Variants in ANK3 observed in about 807,000 individuals in gnomAD.
ANK3 encodes the protein ankyrin 3, also known as ankyrin-3.
ANK3 carries 57 observed loss-of-function variants against 370.9 expected under a neutral mutation model. The ratio of observed to expected loss-of-function variants is 0.15; its 90% confidence interval spans 0.12 to 0.19. The LOEUF (loss-of-function observed/expected upper bound fraction) is 0.19, where lower values mean the gene tolerates loss of function less well. Ranked by LOEUF, ANK3 falls within the 10% of genes least tolerant of loss-of-function variation. The probability of loss-of-function intolerance (pLI) is 1.00; values close to 1 mark genes in which losing one functional copy is unlikely to be tolerated. For missense variants in ANK3, 4,439 were observed against 5,302.1 expected, an observed-to-expected ratio of 0.84 and a Z score of 5.06; for synonymous variants, 1,929 against 1,946.3, an observed-to-expected ratio of 0.99 and a Z score of 0.23.
chr10:60,165,337 G>A (rs1358004740), intron 23 of ANK3, among the ~76,000 whole-genome samples: 2 of 152,138 alleles, frequency 1.3e-5, no homozygotes, highest in African/African-American at 4.8e-5. Flanking sequence ...TATTCTAAAA[G>A]TCCTAAAGAC....
intron 2 of ANK3, among the ~76,000 whole-genome samples, chr10:60,486,313 T>C (rs2075346007): frequency 6.6e-6 from 1 of 152,236 alleles, no homozygotes; most frequent in African/African-American, 2.4e-5. Context: ...GCGCAATGGC[T>C]CATGCCTGTA....
chr10:60,111,889 T>C (rs1034143097), intron 26 of ANK3: 8 of 411,126 alleles, frequency 1.9e-5, no homozygotes, highest in African/African-American at 8.4e-5. Flanking sequence ...AACCAGGGCA[T>C]CTGGCATTTG....
At chr10:60,436,304 A>G (rs2064157935) in intron 2 of ANK3, among the ~76,000 whole-genome samples, 1 of 152,196 alleles carries the variant, frequency 6.6e-6, no homozygotes, top group African/African-American at 2.4e-5. Context: ...GTGTGGAAGC[A>G]TGTTTTCAAT....
intron 21 of ANK3, among the ~76,000 whole-genome samples, chr10:60,170,066 TGTGTGCTAGAG>T (rs6143941): frequency 0.025 from 3,755 of 152,290 alleles, 119 homozygotes; most frequent in East Asian, 0.073. Context: ...AACCAATATC[TGTGTGCTAGAG>T]GTGTTCTGCT....
At chr10:60,614,161 G>C (rs2078237908) in intron 2 of ANK3, among the ~76,000 whole-genome samples, 2 of 152,080 alleles carry the variant, frequency 1.3e-5, no homozygotes, top group Non-Finnish European at 2.9e-5. Flanking sequence ...ATAGAAAATA[G>C]AATTATAAGT....
intron 1 of ANK3, among the ~76,000 whole-genome samples, chr10:60,348,275 G>A (rs1297264873): frequency 6.7e-6 from 1 of 148,204 alleles, no homozygotes; most frequent in Non-Finnish European, 1.5e-5. Flanking sequence ...ACAGAAACCT[G>A]CTGGGATGTA....
At chr10:60,523,241 T>A (rs2076390205) in intron 2 of ANK3, among the ~76,000 whole-genome samples, 1 of 151,954 alleles carries the variant, frequency 6.6e-6, no homozygotes, top group Non-Finnish European at 1.5e-5. Flanking sequence ...TATTTTATTT[T>A]ATTTTATTAT....
In ANK3 at chr10:60,319,674, C is replaced by T. The variant is rs531438007; in HGVS notation, c.115-40035G>A. On this transcript the variant is annotated intron_variant, in intron 1 of 43. Transcript: ENST00000280772. ...AGGGATTCAAGGAATGAAACCTTGCCTCAACCCACAGGTAACTGGCAAAGT... is the reference window on the plus strand; with the variant it reads ...AGGGATTCAAGGAATGAAACCTTGCTTCAACCCACAGGTAACTGGCAAAGT... 1.2e-4 allele frequency among the ~76,000 whole-genome samples: 19 copies of T among 152,306 alleles called. 2 individuals carry two copies. In the South Asian group the frequency reaches 3.7e-3, roughly 30 times the overall value.
At chr10:60,722,834 T>C (rs142149926) in intron 1 of ANK3, among the ~76,000 whole-genome samples, 2 of 152,346 alleles carry the variant, frequency 1.3e-5, no homozygotes, top group East Asian at 1.9e-4. Context: ...TCTTGCCATA[T>C]GATATGCCTG....
At chr10:60,200,437 G>T (rs1204214098) in intron 12 of ANK3, among the ~76,000 whole-genome samples, 6 of 152,306 alleles carry the variant, frequency 3.9e-5, no homozygotes, top group South Asian at 4.1e-4. Flanking sequence ...CGGGAGTCTT[G>T]TCACCCACTG....
intron 42 of ANK3, chr10:60,050,750 T>C (rs1564622172): frequency 6.6e-6 from 1 of 152,198 alleles, no homozygotes; most frequent in East Asian, 1.9e-4. Context: ...CAACAGACCT[T>C]TGTGAAGGAA....
chr10:60,462,586 T>C (rs1030236164), intron 2 of ANK3, among the ~76,000 whole-genome samples: 13 of 61,248 alleles, frequency 2.1e-4, no homozygotes, highest in Non-Finnish European at 3.7e-4. Flanking sequence ...AAATTTAGCT[T>C]TTTTTTTTTT....
chr10:60,282,713 C>G (rs986520849), intron 1 of ANK3, among the ~76,000 whole-genome samples: 1 of 152,130 alleles, frequency 6.6e-6, no homozygotes, highest in Admixed American at 6.6e-5. Context: ...TAATTGACCA[C>G]CTCAGAATTT....
chr10:60,341,984 A>G (rs939366068), intron 1 of ANK3, among the ~76,000 whole-genome samples: 4 of 152,176 alleles, frequency 2.6e-5, no homozygotes, highest in Admixed American at 2.6e-4. Flanking sequence ...CTTCCTACAC[A>G]TTCATGAGAG....
intron 12 of ANK3, among the ~76,000 whole-genome samples, chr10:60,201,885 T>C (rs2096682706): frequency 6.6e-6 from 1 of 151,892 alleles, no homozygotes; most frequent in Non-Finnish European, 1.5e-5. Flanking sequence ...CTAATTCTTT[T>C]TCGTATTTTT....
At chr10:60,548,726 A>T (rs2077026751) in intron 2 of ANK3, among the ~76,000 whole-genome samples, 1 of 152,154 alleles carries the variant, frequency 6.6e-6, no homozygotes, top group Non-Finnish European at 1.5e-5. Context: ...ATAGTATAGG[A>T]TTATTATAAT....
At chr10:60,589,525 T>C (rs2077880697) in intron 2 of ANK3, among the ~76,000 whole-genome samples, 1 of 152,204 alleles carries the variant, frequency 6.6e-6, no homozygotes, top group Non-Finnish European at 1.5e-5. Flanking sequence ...TTGACTTGGC[T>C]CATTAACCAT....
chr10:60,120,194 T>G (rs921154275), intron 25 of ANK3, among the ~76,000 whole-genome samples: 30 of 152,106 alleles, frequency 2.0e-4, no homozygotes, highest in Admixed American at 5.9e-4. Context: ...ACAAAGGTGC[T>G]AAGAACGTAC....
intron 2 of ANK3, among the ~76,000 whole-genome samples, chr10:60,419,974 T>C (rs1027859273): frequency 6.6e-6 from 1 of 152,108 alleles, no homozygotes; most frequent in Non-Finnish European, 1.5e-5. Context: ...CTGTAGCAAA[T>C]TAGCCAATGA....
Sources: allele counts gnomAD v4.1 joint callset (sites outside exome capture counted in the v4.1 genomes callset), GRCh38; gene constraint gnomAD v4.1.1; transcripts MANE v1.5; gene names NCBI Gene and HGNC (gene_info 2026-07-23, HGNC 2026-07-21).